EEF1AKMT1: variants seen among roughly 807,000 people sequenced by gnomAD.
The protein encoded by EEF1AKMT1 is EEF1A lysine methyltransferase 1.
A neutral mutation model predicts 21.0 loss-of-function variants in EEF1AKMT1; 18 were observed. The ratio of observed to expected loss-of-function variants is 0.86; its 90% confidence interval spans 0.59 to 1.27. EEF1AKMT1 has a LOEUF of 1.27. Among genes scored for constraint, EEF1AKMT1 ranks in the 50% most tolerant of loss-of-function variants. The pLI is 0.00. For synonymous variants in EEF1AKMT1, 109 were observed against 94.8 expected (o/e 1.15, Z -0.87); for missense variants, 246 against 258.6 (o/e 0.95, Z 0.33).
At chr13:20,773,324 T>C (rs1481041792) in intron 1 of EEF1AKMT1, among the ~76,000 whole-genome samples, 1 of 152,128 alleles carries the variant, frequency 6.6e-6, no homozygotes, top group Non-Finnish European at 1.5e-5. Context: ...CCCGCTATCG[T>C]CCCAGCACTT....
chr13:20,751,652 G>C (rs888966583), intron 2 of EEF1AKMT1, among the ~76,000 whole-genome samples: 1 of 140,642 alleles, frequency 7.1e-6, no homozygotes, highest in Non-Finnish European at 1.5e-5. Context: ...CTGTTTTTGG[G>C]TTCCACAGGA....
chr13:20,764,065 T>A (rs2059014732), intron 1 of EEF1AKMT1, among the ~76,000 whole-genome samples: 1 of 152,106 alleles, frequency 6.6e-6, no homozygotes, highest in African/African-American at 2.4e-5. Flanking sequence ...AGTTTTTGCA[T>A]CATTGACTTT....
chr13:20,739,294 A>G (rs1198258675), intron 2 of EEF1AKMT1, among the ~76,000 whole-genome samples: 1 of 152,160 alleles, frequency 6.6e-6, no homozygotes, highest in African/African-American at 2.4e-5. Context: ...AGTAACATTT[A>G]TTGTGAGGAG....
At chr13:20,743,547 T>C (rs1255892972) in intron 2 of EEF1AKMT1, among the ~76,000 whole-genome samples, 1 of 151,158 alleles carries the variant, frequency 6.6e-6, no homozygotes, top group African/African-American at 2.4e-5. Flanking sequence ...TCTGGGGAGG[T>C]GTCTTGCATT....
At chr13:20,742,692 C>T (rs1157011331) in intron 2 of EEF1AKMT1, among the ~76,000 whole-genome samples, 5 of 152,198 alleles carry the variant, frequency 3.3e-5, no homozygotes, top group Non-Finnish European at 5.9e-5. Context: ...TGCTCCAACA[C>T]CTAACGCAAG....
intron 1 of EEF1AKMT1, among the ~76,000 whole-genome samples, chr13:20,764,763 G>A (rs574914696): frequency 6.6e-6 from 1 of 151,896 alleles, no homozygotes; most frequent in East Asian, 1.9e-4. Flanking sequence ...TAATTCTGTT[G>A]TTGTTCCTAG....
chr13:20,741,549 C>T (rs765814744), intron 2 of EEF1AKMT1, among the ~76,000 whole-genome samples: 36 of 150,866 alleles, frequency 2.4e-4, no homozygotes, highest in African/African-American at 1.5e-4. Context: ...CTCCATCTCC[C>T]GGATTCAAGC....
intron 2 of EEF1AKMT1, among the ~76,000 whole-genome samples, chr13:20,740,238 A>G (rs1566530257): frequency 6.6e-6 from 1 of 152,216 alleles, no homozygotes; most frequent in African/African-American, 2.4e-5. Context: ...GGGCCTGCCA[A>G]GCCCGCACCC....
intron 4 of EEF1AKMT1, among the ~76,000 whole-genome samples, chr13:20,729,443 T>C (rs920947560): frequency 6.6e-6 from 1 of 152,064 alleles, no homozygotes; most frequent in African/African-American, 2.4e-5. Context: ...ATTATTTTCC[T>C]ACCTCTGCAA....
chr13:20,765,415 T>G (rs988125174), intron 1 of EEF1AKMT1, among the ~76,000 whole-genome samples: 3 of 127,622 alleles, frequency 2.4e-5, no homozygotes, highest in African/African-American at 6.1e-5. Flanking sequence ...GTTTTTTTTT[T>G]TTTTTTTTTT....
At chr13:20,771,975 C>T (rs2059065006) in intron 1 of EEF1AKMT1, among the ~76,000 whole-genome samples, 1 of 150,642 alleles carries the variant, frequency 6.6e-6, no homozygotes, top group Admixed American at 6.6e-5. Flanking sequence ...CTCGCCATTG[C>T]ACTCCAGCCT....
chr13:20,739,123 C>T (rs535499817), intron 2 of EEF1AKMT1, among the ~76,000 whole-genome samples: 8 of 152,248 alleles, frequency 5.3e-5, no homozygotes, highest in South Asian at 2.1e-4. Context: ...AGGATTACAA[C>T]TCCTAAGATG....
intron 1 of EEF1AKMT1, among the ~76,000 whole-genome samples, chr13:20,770,151 A>G (rs1213994803): frequency 2.0e-5 from 3 of 152,244 alleles, no homozygotes; most frequent in Admixed American, 6.5e-5. Context: ...ATTCTGATAT[A>G]TGCTACAATG....
At chr13:20,743,363 G>A (rs1026842362) in intron 2 of EEF1AKMT1, among the ~76,000 whole-genome samples, 16 of 151,738 alleles carry the variant, frequency 1.1e-4, no homozygotes, top group African/African-American at 3.4e-4. Flanking sequence ...CAACGTGCCT[G>A]GCTAATACTT....
At chr13:20,766,127 A>G (rs574683959) in intron 1 of EEF1AKMT1, among the ~76,000 whole-genome samples, 2 of 151,692 alleles carry the variant, frequency 1.3e-5, no homozygotes, top group Non-Finnish European at 2.9e-5. Context: ...GTGAAACCCC[A>G]TCTCTACTAA....
chr13:20,749,857 C>T (rs1002722572), intron 2 of EEF1AKMT1, among the ~76,000 whole-genome samples: 1 of 152,108 alleles, frequency 6.6e-6, no homozygotes, highest in African/African-American at 2.4e-5. Context: ...TTGTAGGAGA[C>T]CGTTTTTCTT....
chr13:20,764,880 AACACACACACACACACAC>A (rs34574835), intron 1 of EEF1AKMT1, among the ~76,000 whole-genome samples: 1 of 139,824 alleles, frequency 7.2e-6, no homozygotes, highest in Non-Finnish European at 1.5e-5. Flanking sequence ...TTTCACTTTC[AACACACACACACACACAC>A]ACACACACAC....
chr13:20,739,940 A>T (rs1160012011), intron 2 of EEF1AKMT1, among the ~76,000 whole-genome samples: 1 of 152,210 alleles, frequency 6.6e-6, no homozygotes, highest in African/African-American at 2.4e-5. Flanking sequence ...AGTGCTTCTC[A>T]GCCCTTGGGC....
intron 2 of EEF1AKMT1, among the ~76,000 whole-genome samples, chr13:20,754,783 C>T (rs561388880): frequency 6.7e-6 from 1 of 149,708 alleles, no homozygotes; most frequent in South Asian, 2.1e-4. Context: ...TGTAGTGGCA[C>T]ATGCCTGTAG....
Sources: gnomAD v4.1 joint callset for allele counts (sites outside exome capture counted in the v4.1 genomes callset) on GRCh38, gnomAD v4.1.1 for gene constraint, MANE v1.5 for transcripts, NCBI Gene and HGNC (gene_info 2026-07-23, HGNC 2026-07-21) for gene names.